Variants in SHISA9 observed in about 807,000 individuals in gnomAD.
SHISA9 encodes protein shisa-9.
Under a neutral mutation model 38.0 loss-of-function variants are expected in SHISA9, and 13 were observed. That is an observed-to-expected ratio of 0.34 (90% CI 0.22 to 0.54). The LOEUF (loss-of-function observed/expected upper bound fraction) is 0.54, where lower values mean the gene tolerates loss of function less well. SHISA9 is among the 20% of genes least tolerant of loss of function. SHISA9 has a pLI of 0.91. For missense variants in SHISA9, 538 were observed against 575.8 expected (o/e 0.93, Z 0.67); for synonymous variants, 275 against 242.0 (o/e 1.14, Z -1.27).
chr16:13,330,504 G>C, the SHISA9 span, among the ~76,000 whole-genome samples: 1 of 152,174 alleles, frequency 6.6e-6, no homozygotes, highest in Non-Finnish European at 1.5e-5. Context: ...TAGCGTTCCA[G>C]AGATATTCTA....
the SHISA9 span, among the ~76,000 whole-genome samples, chr16:13,401,807 G>A: frequency 6.6e-6 from 1 of 152,160 alleles, no homozygotes; most frequent in East Asian, 1.9e-4. Context: ...AATATATAAA[G>A]AAAAAGAGGT....
At chr16:13,257,688 A>G in the SHISA9 span, among the ~76,000 whole-genome samples, 1 of 152,200 alleles carries the variant, frequency 6.6e-6, no homozygotes, top group Non-Finnish European at 1.5e-5. Context: ...TGCCATGGCT[A>G]TATGAGTGTC....
At chr16:13,384,927 G>C in the SHISA9 span, among the ~76,000 whole-genome samples, 48 of 152,274 alleles carry the variant, frequency 3.2e-4, no homozygotes, top group East Asian at 8.1e-3. Flanking sequence ...CCACTATCTG[G>C]TAAAGAAGTA....
chr16:13,135,733 T>C (rs1402623855), intron 2 of SHISA9, among the ~76,000 whole-genome samples: 1 of 152,178 alleles, frequency 6.6e-6, no homozygotes, highest in Non-Finnish European at 1.5e-5. Flanking sequence ...TAATTACTTG[T>C]ATAGTATACA....
intron 2 of SHISA9, among the ~76,000 whole-genome samples, chr16:13,096,003 C>T (rs530238260): frequency 3.9e-5 from 6 of 152,294 alleles, no homozygotes; most frequent in Non-Finnish European, 7.3e-5. Context: ...TTTTGAGAAC[C>T]ACTACTTTGG....
chr16:13,251,104 G>A, the SHISA9 span, among the ~76,000 whole-genome samples: 2 of 152,096 alleles, frequency 1.3e-5, no homozygotes, highest in African/African-American at 4.8e-5. Flanking sequence ...CAGGATTTCT[G>A]TGAGGAACAG....
chr16:13,067,671 G>T (rs561535713), intron 2 of SHISA9, among the ~76,000 whole-genome samples: 1 of 152,356 alleles, frequency 6.6e-6, no homozygotes, highest in African/African-American at 2.4e-5. Context: ...CAATGCCTTG[G>T]CATTGTCTTC....
At chr16:12,948,275 A>T (rs113902634) in intron 2 of SHISA9, among the ~76,000 whole-genome samples, 2 of 152,194 alleles carry the variant, frequency 1.3e-5, no homozygotes, top group African/African-American at 4.8e-5. Context: ...TTCTAAACAA[A>T]ACCAAGCTCT....
chr16:13,338,971 A>T, the SHISA9 span, among the ~76,000 whole-genome samples: 1 of 152,142 alleles, frequency 6.6e-6, no homozygotes, highest in South Asian at 2.1e-4. Flanking sequence ...CTCTTGGTAC[A>T]TGGAATTTCA....
chr16:13,229,341 T>G (rs1284964469), intron 4 of SHISA9, among the ~76,000 whole-genome samples: 2 of 152,192 alleles, frequency 1.3e-5, no homozygotes, highest in Non-Finnish European at 2.9e-5. Flanking sequence ...AGGAGCTTAT[T>G]ATGGAGAGAT....
At chr16:13,090,863 GTTAA>G (rs1477047267) in intron 2 of SHISA9, among the ~76,000 whole-genome samples, 1 of 152,180 alleles carries the variant, frequency 6.6e-6, no homozygotes, top group East Asian at 1.9e-4. Context: ...TGTTTTGCCT[GTTAA>G]TTGATGCAGT....
intron 2 of SHISA9, among the ~76,000 whole-genome samples, chr16:13,068,271 G>A (rs896866423): frequency 5.3e-5 from 8 of 152,254 alleles, no homozygotes; most frequent in Admixed American, 1.3e-4. Context: ...CCAGGCCTCC[G>A]TTTCTCGACC....
intron 2 of SHISA9, among the ~76,000 whole-genome samples, chr16:13,030,072 C>G (rs138230151): frequency 0.01 from 1,565 of 152,310 alleles, 120 homozygotes; most frequent in Admixed American, 0.092. Context: ...ACAGTAAGCA[C>G]TTGATCAATG....
chr16:13,169,278 A>T (rs1438445070), intron 2 of SHISA9, among the ~76,000 whole-genome samples: 1 of 152,224 alleles, frequency 6.6e-6, no homozygotes, highest in Admixed American at 6.5e-5. Flanking sequence ...TGATTAGTTC[A>T]TTACGAAAAT....
chr16:13,178,781 G>T (rs2050753340), intron 2 of SHISA9, among the ~76,000 whole-genome samples: 1 of 152,146 alleles, frequency 6.6e-6, no homozygotes, highest in Admixed American at 6.5e-5. Flanking sequence ...GGAGGTGTCT[G>T]GACATACATT....
the SHISA9 span, among the ~76,000 whole-genome samples, chr16:13,278,401 G>A: frequency 3.3e-5 from 5 of 151,930 alleles, no homozygotes; most frequent in African/African-American, 1.2e-4. Context: ...TCCTTTCCTG[G>A]TTTTGGTATT....
At chr16:13,065,953 T>C (rs1294076183) in intron 2 of SHISA9, among the ~76,000 whole-genome samples, 1 of 152,246 alleles carries the variant, frequency 6.6e-6, no homozygotes, top group Admixed American at 6.5e-5. Context: ...CCTAGTCACC[T>C]GGCCCAGTGG....
chr16:13,259,179 C>T, the SHISA9 span, among the ~76,000 whole-genome samples: 2 of 152,182 alleles, frequency 1.3e-5, no homozygotes, highest in African/African-American at 4.8e-5. Context: ...TTACAGGGCC[C>T]ATGCAAGTTC....
chr16:13,430,747 A>AACC, the SHISA9 span, among the ~76,000 whole-genome samples: 1 of 149,194 alleles, frequency 6.7e-6, no homozygotes, highest in African/African-American at 2.4e-5. Flanking sequence ...CTCTAAACAA[A>AACC]AAAAAAAAAA....
Sources: allele counts gnomAD v4.1 joint callset (sites outside exome capture counted in the v4.1 genomes callset), GRCh38; gene constraint gnomAD v4.1.1; transcripts MANE v1.5; gene names NCBI Gene and HGNC (gene_info 2026-07-23, HGNC 2026-07-21).